CFAP47: variants seen among roughly 807,000 people sequenced by gnomAD.
CFAP47 encodes cilia and flagella associated protein 47, also known as cilia- and flagella-associated protein 47.
A neutral mutation model predicts 148.1 loss-of-function variants in CFAP47; 29 were observed. The ratio of observed to expected loss-of-function variants is 0.20; its 90% confidence interval spans 0.15 to 0.27. The LOEUF (loss-of-function observed/expected upper bound fraction) is 0.27. CFAP47 is among the 10% of genes least tolerant of loss of function. CFAP47 has a pLI of 1.00. For missense variants in CFAP47, 1,872 were observed against 1,697.5 expected (o/e 1.10, Z -1.81); for synonymous variants, 664 against 577.3 (o/e 1.15, Z -2.15).
Position 35,965,299 on chromosome X carries a change from C to T in CFAP47, c.1411-1266C>T, listed in dbSNP as rs188491074. Among the ~76,000 whole-genome samples the T allele has an allele frequency of 7.1e-3, 787 of 111,380 alleles. 23 individuals are homozygous for T. In the Admixed American group the frequency reaches 0.072, roughly 10 times the overall value. ...AAGTCTCACAGCCTATATCAAGAGC[C>T]TCTGTATAAGTAAGTATGTTGGGGC... is the stretch of plus-strand genomic sequence containing the variant. On this transcript the variant is annotated intron_variant, in intron 8 of 63. Coordinates refer to ENST00000378653, the MANE Select transcript of CFAP47 (RefSeq NM_001304548.2).
At chrX:36,230,928 C>T (rs781999163) in intron 46 of CFAP47, among the ~76,000 whole-genome samples, 4,652 of 103,223 alleles carry the variant, frequency 0.045, 129 homozygotes, top group Middle Eastern at 0.098. Context: ...TGTAGATATG[C>T]GACGTTATTT....
chrX:36,046,595 T>G (rs1263639650), intron 25 of CFAP47, among the ~76,000 whole-genome samples: 1 of 111,453 alleles, frequency 9.0e-6, no homozygotes, highest in Admixed American at 9.6e-5. Flanking sequence ...TTGTGTTTAA[T>G]CAGGTGTCAC....
At chrX:36,256,401 A>C (rs782405121) in intron 49 of CFAP47, among the ~76,000 whole-genome samples, 9 of 112,228 alleles carry the variant, frequency 8.0e-5, no homozygotes, top group Non-Finnish European at 1.7e-4. Flanking sequence ...AAAGCAACTA[A>C]TTTGTAATGT....
Position 36,170,695 on chromosome X carries a change from A to C in CFAP47, c.6027-8650A>C, listed in dbSNP as rs763831159. Among the ~76,000 whole-genome samples the C allele has an allele frequency of 1.4e-4, 15 of 107,187 alleles. No individual in the cohort carries two copies. The South Asian group carries it at 6.5e-3, about 46-fold the overall frequency. 93.1% of individuals were successfully genotyped at this position (107,187 alleles called of 115,157 possible). On this transcript the variant is annotated intron_variant, in intron 39 of 63. Coordinates refer to ENST00000378653, the MANE Select transcript of CFAP47 (RefSeq NM_001304548.2). ...CCACATTTTCTTAATCCAGTCTATC[A>C]TTGTTGGACATTTGGGTTGGTTCCA...
intron 2 of CFAP47, among the ~76,000 whole-genome samples, chrX:35,928,380 T>C (rs1935777193): frequency 8.9e-6 from 1 of 111,749 alleles, no homozygotes; most frequent in Non-Finnish European, 1.9e-5. Context: ...TCTCCATAGT[T>C]TTAATTTGCA....
rs180771358 is a variant in CFAP47, at chrX:35,999,639, A to T, written c.3178-644A>T. Among the ~76,000 whole-genome samples, 23 of 112,422 alleles carry T rather than the reference A, an allele frequency of 2.0e-4. No individual in the cohort carries two copies. In the Admixed American group the frequency reaches 2.2e-3, roughly 11 times the overall value. On this transcript the variant is annotated intron_variant, in intron 19 of 63. Transcript: ENST00000378653. ...CAGCATGATTAATTGTGGTTTATCC[A>T]TCTGGGGTTTGAAGGATGTGTAATA... is the stretch of plus-strand genomic sequence containing the variant.
intron 62 of CFAP47, among the ~76,000 whole-genome samples, chrX:36,378,546 A>C (rs1437549727): frequency 1.8e-5 from 2 of 111,605 alleles, no homozygotes; most frequent in Non-Finnish European, 3.8e-5. Flanking sequence ...GTGCATTATT[A>C]TTATTATTTT....
intron 33 of CFAP47, among the ~76,000 whole-genome samples, chrX:36,104,974 G>C (rs1027431651): frequency 1.8e-5 from 2 of 111,949 alleles, no homozygotes; most frequent in East Asian, 5.6e-4. Flanking sequence ...AATCATTGCT[G>C]ACATTTTCAA....
At chrX:36,296,242 T>C (rs910356082) in intron 51 of CFAP47, among the ~76,000 whole-genome samples, 1 of 112,321 alleles carries the variant, frequency 8.9e-6, no homozygotes, top group African/African-American at 3.2e-5. Flanking sequence ...TATGACACTT[T>C]TGTACCACGA....
intron 53 of CFAP47, 43 bp downstream of exon 53, chrX:36,301,222 A>G (rs1337044726): frequency 1.4e-6 from 1 of 720,633 alleles, no homozygotes; most frequent in Non-Finnish European, 2.1e-6. Flanking sequence ...TGCAAGAAAA[A>G]TAGTTAATCT....
rs1474210937 is a variant in CFAP47 at position 35,951,260 on chromosome X, C to T, written c.786C>T (p.Phe262=). 1.3e-5 allele frequency: 16 copies of T among 1,209,553 alleles called. No homozygotes were observed. The highest frequency in any genetic ancestry group is 3.5e-5 in the South Asian group (2 of 56,893). The part of the protein sequence containing the change: ...LECIHFGPVF[F]GSSKIKHARV... Reference sequence around the variant, plus strand: ...GCATACACTTTGGTCCTGTTTTCTTCGGATCATCAAAAATTAAACATGCAC... The same window carrying T: ...GCATACACTTTGGTCCTGTTTTCTTTGGATCATCAAAAATTAAACATGCAC... Residue 262 remains phenylalanine (F), a synonymous_variant, in exon 5 of 64, where the codon TTC becomes TTT. Coordinates refer to ENST00000378653, the MANE Select transcript of CFAP47 (RefSeq NM_001304548.2).
chrX:36,352,479 G>T (rs1166447153), intron 59 of CFAP47, among the ~76,000 whole-genome samples: 2 of 110,293 alleles, frequency 1.8e-5, no homozygotes, highest in Non-Finnish European at 3.8e-5. Context: ...ATACATCTGA[G>T]GACATCATCT....
At chrX:36,371,819 CATATACACACATGTGTGTATATGTGTGT>C (rs1466930506) in intron 62 of CFAP47, among the ~76,000 whole-genome samples, 4 of 57,801 alleles carry the variant, frequency 6.9e-5, no homozygotes, top group African/African-American at 9.2e-5. Flanking sequence ...TATATGTGTG[CATATACACACATGTGTGTATATGTGTGT>C]ATATATGTGT....
At chrX:36,190,324 G>A (rs2146875246) in intron 42 of CFAP47, 128 bp downstream of exon 42, 1 of 286,159 alleles carries the variant, frequency 3.5e-6, no homozygotes, top group South Asian at 2.4e-4. Context: ...AAGTTACTAA[G>A]CAAAGAGCTT....
At chrX:36,364,190 G>T (rs187456032) in intron 61 of CFAP47, among the ~76,000 whole-genome samples, 66 of 110,716 alleles carry the variant, frequency 6.0e-4, no homozygotes, top group Non-Finnish European at 1.2e-3. Context: ...TGTCATCCAT[G>T]AAATTCTGTG....
At chrX:36,363,428 G>C (rs369778559) in intron 61 of CFAP47, among the ~76,000 whole-genome samples, 1 of 111,163 alleles carries the variant, frequency 9.0e-6, no homozygotes, top group African/African-American at 3.3e-5. Flanking sequence ...GTAAACATTT[G>C]TGTACCTAAA....
intron 45 of CFAP47, 94 bp downstream of exon 45, chrX:36,205,204 T>G (rs942563149): frequency 4.5e-5 from 13 of 289,463 alleles, no homozygotes; most frequent in African/African-American, 5.5e-5. Context: ...ACACTTTTAC[T>G]GACAAAGTGT....
intron 21 of CFAP47, among the ~76,000 whole-genome samples, chrX:36,008,781 T>A (rs993158380): frequency 1.2e-4 from 13 of 109,851 alleles, no homozygotes; most frequent in African/African-American, 4.3e-4. Context: ...AAAGAATAAA[T>A]AAATAAATAA....
At chrX:36,013,709 A>G (rs994302728) in intron 21 of CFAP47, among the ~76,000 whole-genome samples, 1 of 112,037 alleles carries the variant, frequency 8.9e-6, no homozygotes, top group Non-Finnish European at 1.9e-5. Context: ...TTTGCCTTTT[A>G]TAGAATGTCA....
Sources: gnomAD v4.1 joint callset for allele counts (sites outside exome capture counted in the v4.1 genomes callset) on GRCh38, gnomAD v4.1.1 for gene constraint, MANE v1.5 for transcripts, NCBI Gene and HGNC (gene_info 2026-07-23, HGNC 2026-07-21) for gene names.